Variants in BCKDHB observed in about 807,000 individuals in gnomAD.
The protein encoded by BCKDHB is 2-oxoisovalerate dehydrogenase subunit beta, mitochondrial.
In BCKDHB, 41 loss-of-function variants were observed where a neutral mutation model predicts 48.5. The observed-to-expected ratio is 0.85, with a 90% CI of 0.66 to 1.10. BCKDHB has a LOEUF of 1.10. BCKDHB is among the 50% of genes least tolerant of loss of function. The pLI is 0.00. For missense variants in BCKDHB, 496 were observed against 494.2 expected (o/e 1.00, Z -0.03); for synonymous variants, 201 against 174.8 (o/e 1.15, Z -1.18).
At chr6:80,129,120 GATT>G (rs1770493358) in intron 2 of BCKDHB, 38 bp from the exon 3 acceptor site, 20 of 1,346,912 alleles carry the variant, frequency 1.5e-5, no homozygotes, top group Non-Finnish European at 2.1e-5. Flanking sequence ...ATTATTTAGA[GATT>G]ATTAAATAAA....
At chr6:80,262,422 C>G (rs1777346031) in intron 8 of BCKDHB, among the ~76,000 whole-genome samples, 1 of 152,060 alleles carries the variant, frequency 6.6e-6, no homozygotes, top group African/African-American at 2.4e-5. Context: ...TATTTTACAT[C>G]TTTTGGAGTC....
intron 9 of BCKDHB, among the ~76,000 whole-genome samples, chr6:80,295,468 C>T (rs1301010557): frequency 2.0e-5 from 3 of 152,172 alleles, no homozygotes; most frequent in Non-Finnish European, 2.9e-5. Flanking sequence ...ATGGAAAAGA[C>T]ATGCCCCCAT....
the BCKDHB span, among the ~76,000 whole-genome samples, chr6:80,352,041 G>A: frequency 4.0e-5 from 6 of 151,870 alleles, no homozygotes; most frequent in African/African-American, 1.5e-4. Flanking sequence ...GGCTGGTCTC[G>A]AACTCCCGAC....
At chr6:80,421,497 C>G in the BCKDHB span, among the ~76,000 whole-genome samples, 2 of 152,164 alleles carry the variant, frequency 1.3e-5, no homozygotes, top group Middle Eastern at 6.8e-3. Flanking sequence ...ACAATCTTGA[C>G]GGCTCAGAAA....
At chr6:80,322,798 T>G (rs546213636) in intron 9 of BCKDHB, among the ~76,000 whole-genome samples, 1 of 152,174 alleles carries the variant, frequency 6.6e-6, no homozygotes, top group Non-Finnish European at 1.5e-5. Flanking sequence ...TTACATCTTA[T>G]GTTAAACTAA....
chr6:80,167,588 C>T lies in BCKDHB; in HGVS notation c.344-90C>T, dbSNP rs148586471. 5.4e-4 allele frequency: 700 copies of T among 1,304,678 alleles called. 5 individuals are homozygous for T. The East Asian group carries it at 0.013, about 24-fold the overall frequency. 80.8% of individuals were successfully genotyped at this position (1,304,678 alleles called of 1,614,324 possible). On this transcript the variant is annotated intron_variant, in intron 3 of 9. Transcript: ENST00000320393. ...CTCTACCTGTTCTATACTTCTCCAT[C>T]CCATTATTAGTTTACTGAATTTTTA...
At chr6:80,238,243 G>T (rs754601918) in intron 8 of BCKDHB, among the ~76,000 whole-genome samples, 1 of 152,136 alleles carries the variant, frequency 6.6e-6, no homozygotes, top group Non-Finnish European at 1.5e-5. Flanking sequence ...GGCTACAGGC[G>T]CATGCCACCA....
At chr6:80,226,949 C>A (rs1460482659) in intron 8 of BCKDHB, among the ~76,000 whole-genome samples, 1 of 152,102 alleles carries the variant, frequency 6.6e-6, no homozygotes, top group Non-Finnish European at 1.5e-5. Flanking sequence ...AGTGAGTCAA[C>A]CTCTTCTTTA....
the BCKDHB span, among the ~76,000 whole-genome samples, chr6:80,375,103 T>A: frequency 6.6e-6 from 1 of 152,208 alleles, no homozygotes; most frequent in Admixed American, 6.5e-5. Context: ...CATCTTTACT[T>A]TAGGTAACCT....
rs1769095526 is a variant in BCKDHB at position 80,106,880 on chromosome 6, C to T, written c.187C>T (p.Arg63Trp). 2 of 1,606,026 alleles carry T rather than the reference C, an allele frequency of 1.2e-6. No homozygotes were observed. Among genetic ancestry groups the T allele is most frequent in the African/African-American group, 1.3e-5 (1 of 74,874 alleles). ...HFTFQPDPEPREYGQTQKMNL... is the reference protein window; with the variant it reads ...HFTFQPDPEPWEYGQTQKMNL... ...TACTTTCCAGCCAGATCCGGAGCCC[C>T]GGGAGTACGGTGAGCCCTGGGACTG... The change falls in exon 1 of 10, where the codon CGG becomes TGG. Residue 63 changes from arginine to tryptophan, a missense_variant. Transcript: ENST00000320393.
At chr6:80,336,804 C>T (rs1341034217) in intron 9 of BCKDHB, among the ~76,000 whole-genome samples, 1 of 151,954 alleles carries the variant, frequency 6.6e-6, no homozygotes, top group Admixed American at 6.6e-5. Flanking sequence ...TTCTGTGCAT[C>T]TCATGTGCAT....
At chr6:80,437,597 G>A in the BCKDHB span, among the ~76,000 whole-genome samples, 1 of 152,138 alleles carries the variant, frequency 6.6e-6, no homozygotes, top group Non-Finnish European at 1.5e-5. Flanking sequence ...AAGTCCAAAA[G>A]TTGCTTAAAG....
At chr6:80,238,128 C>T (rs564833426) in intron 8 of BCKDHB, among the ~76,000 whole-genome samples, 4 of 152,200 alleles carry the variant, frequency 2.6e-5, no homozygotes, top group African/African-American at 7.2e-5. Flanking sequence ...TTGAGAGTCT[C>T]GCTCTGTCAC....
At chr6:80,185,262 A>G (rs1178446113) in intron 6 of BCKDHB, among the ~76,000 whole-genome samples, 1 of 150,900 alleles carries the variant, frequency 6.6e-6, no homozygotes, top group Non-Finnish European at 1.5e-5. Flanking sequence ...CATTTCCAGA[A>G]CTTGTGACTG....
chr6:80,180,838 G>A (rs761523754), intron 6 of BCKDHB, among the ~76,000 whole-genome samples: 2 of 152,240 alleles, frequency 1.3e-5, no homozygotes, highest in South Asian at 2.1e-4. Context: ...TAATTTGTGC[G>A]GGTTAGTATA....
At chr6:80,394,231 A>G in the BCKDHB span, among the ~76,000 whole-genome samples, 4 of 152,034 alleles carry the variant, frequency 2.6e-5, no homozygotes, top group African/African-American at 9.7e-5. Context: ...TGTTTTCTCT[A>G]CTGTTTCAAT....
chr6:80,294,823 C>A (rs747704824), intron 9 of BCKDHB, among the ~76,000 whole-genome samples: 2 of 151,782 alleles, frequency 1.3e-5, no homozygotes, highest in Non-Finnish European at 1.5e-5. Flanking sequence ...TGAACATAGA[C>A]CCTTATCAGT....
rs1328564321 is a variant in BCKDHB at position 80,106,732 on chromosome 6, G to A, written c.39G>A (p.Arg13=). 3 of 1,559,488 alleles carry A rather than the reference G, an allele frequency of 1.9e-6. No homozygotes were observed. The highest frequency in any genetic ancestry group is 2.6e-6 in the Non-Finnish European group (3 of 1,152,948). ...VVAAAAGWLL[R]LRAAGAEGHW... is the part of the protein sequence containing the mutation. ...CGGCGGCTGCCGGCTGGCTACTCAG[G>A]CTCAGGGCGGCAGGGGCTGAGGGGC... The change falls in exon 1 of 10, where the codon AGG becomes AGA. Residue 13 remains arginine (R), a synonymous_variant. Transcript: ENST00000320393.
the BCKDHB span, among the ~76,000 whole-genome samples, chr6:80,402,521 G>T: frequency 7.9e-5 from 12 of 151,912 alleles, no homozygotes; most frequent in East Asian, 2.3e-3. Flanking sequence ...CTCATCATCA[G>T]ATGTGTGGTT....
Sources: gnomAD v4.1 joint callset for allele counts (sites outside exome capture counted in the v4.1 genomes callset) on GRCh38, gnomAD v4.1.1 for gene constraint, MANE v1.5 for transcripts, NCBI Gene and HGNC (gene_info 2026-07-23, HGNC 2026-07-21) for gene names.